Variants in SPATA17 observed in about 807,000 individuals in gnomAD.
SPATA17 encodes spermatogenesis associated 17, also known as spermatogenesis-associated protein 17.
Under a neutral mutation model 62.2 loss-of-function variants are expected in SPATA17, and 53 were observed. The observed-to-expected ratio is 0.85, with a 90% confidence interval of 0.68 to 1.07. The LOEUF (loss-of-function observed/expected upper bound fraction) is 1.07. SPATA17 is among the 50% of genes least tolerant of loss of function. The pLI is 0.00. For synonymous variants in SPATA17, 146 were observed against 146.8 expected (o/e 0.99, Z 0.04); for missense variants, 466 against 425.5 (o/e 1.10, Z -0.84).
chr1:217,782,289 G>A lies in SPATA17; in HGVS notation c.839G>A (p.Arg280Lys), dbSNP rs761859773. The change falls in exon 8 of 11, where the codon AGA becomes AAA. Residue 280 changes from arginine (R) to lysine (K), a missense_variant. By Grantham distance (26) the Arg-to-Lys change is conservative (BLOSUM62 2). Coordinates refer to ENST00000366933, the MANE Select transcript of SPATA17 (RefSeq NM_138796.4). Reference sequence around the variant, plus strand: ...AAGTTGGCCAGAGAGGAGCTCAGAAGAGAGGAATGGCTGCAAAATGTAAAT... The same window carrying A: ...AAGTTGGCCAGAGAGGAGCTCAGAAAAGAGGAATGGCTGCAAAATGTAAAT... ...ELKLAREELR[R>K]EEWLQNVNDN... The A allele has an allele frequency of 5.6e-5, 90 of 1,610,606 alleles. No homozygotes were observed. The highest frequency in any genetic ancestry group is 3.3e-4 in the Middle Eastern group (2 of 6,044).
intron 4 of SPATA17, among the ~76,000 whole-genome samples, chr1:217,670,576 A>G (rs1458766080): frequency 6.6e-6 from 1 of 152,162 alleles, no homozygotes; most frequent in African/African-American, 2.4e-5. Context: ...TCCAATGTCA[A>G]TTTATCTTTG....
At chr1:217,635,581 G>A (rs1446963741) in intron 1 of SPATA17, among the ~76,000 whole-genome samples, 3 of 151,968 alleles carry the variant, frequency 2.0e-5, no homozygotes, top group Non-Finnish European at 4.4e-5. Flanking sequence ...GTGCGCACCT[G>A]TAGTCCCAAC....
At chr1:217,701,237 G>C (rs1234350050) in intron 5 of SPATA17, among the ~76,000 whole-genome samples, 5 of 151,906 alleles carry the variant, frequency 3.3e-5, no homozygotes, top group African/African-American at 9.7e-5. Context: ...GCCTCCCAAA[G>C]TGCTGGGATT....
At chr1:217,793,908 G>A (rs968532706) in intron 8 of SPATA17, among the ~76,000 whole-genome samples, 1 of 151,978 alleles carries the variant, frequency 6.6e-6, no homozygotes, top group East Asian at 2.0e-4. Flanking sequence ...GAGGTCAGGA[G>A]ATCGAGACCA....
At chr1:217,708,224 G>A (rs997908447) in intron 5 of SPATA17, among the ~76,000 whole-genome samples, 6 of 151,636 alleles carry the variant, frequency 4.0e-5, no homozygotes, top group African/African-American at 1.2e-4. Flanking sequence ...AATGAAGGAA[G>A]TTGAAACAAA....
At chr1:217,818,798 A>G (rs993901371) in intron 9 of SPATA17, among the ~76,000 whole-genome samples, 1 of 150,572 alleles carries the variant, frequency 6.6e-6, no homozygotes, top group African/African-American at 2.4e-5. Context: ...TAAAGACTCT[A>G]ATTATATTTA....
chr1:217,816,999 T>C (rs911763172), intron 9 of SPATA17, among the ~76,000 whole-genome samples: 4 of 152,076 alleles, frequency 2.6e-5, no homozygotes, highest in Non-Finnish European at 5.9e-5. Flanking sequence ...TTCCTTTGGG[T>C]TCAGCTCATG....
chr1:217,714,488 C>CTTTTTTTTTTTTTTTTTTTTTTTTTT (rs750665329), intron 5 of SPATA17, among the ~76,000 whole-genome samples: 1 of 121,432 alleles, frequency 8.2e-6, no homozygotes, highest in African/African-American at 3.3e-5. Flanking sequence ...AAACGTGTTT[C>CTTTTTTTTTTTTTTTTTTTTTTTTTT]TTTTTTTTTT....
chr1:217,730,525 TTTTG>T (rs1027745973), intron 5 of SPATA17, among the ~76,000 whole-genome samples: 10 of 152,180 alleles, frequency 6.6e-5, no homozygotes, highest in East Asian at 3.9e-4. Flanking sequence ...CCAGCCAAGT[TTTTG>T]TTTGTTTGTT....
At chr1:217,779,479 T>G (rs1458745492) in intron 7 of SPATA17, among the ~76,000 whole-genome samples, 1 of 151,788 alleles carries the variant, frequency 6.6e-6, no homozygotes, top group Non-Finnish European at 1.5e-5. Context: ...CCTTTTCCTC[T>G]GGCCATGTCA....
chr1:217,683,698 C>T (rs1299237982), intron 5 of SPATA17, among the ~76,000 whole-genome samples: 1 of 152,082 alleles, frequency 6.6e-6, no homozygotes, highest in Non-Finnish European at 1.5e-5. Context: ...CCTCGGCCTC[C>T]CAAAGTGCTT....
intron 8 of SPATA17, among the ~76,000 whole-genome samples, chr1:217,797,428 T>G (rs1279962185): frequency 1.3e-5 from 2 of 152,068 alleles, no homozygotes; most frequent in African/African-American, 2.4e-5. Flanking sequence ...TTTTATATTT[T>G]TAGTAGAGAT....
intron 9 of SPATA17, among the ~76,000 whole-genome samples, chr1:217,826,075 A>G (rs1674996021): frequency 6.6e-6 from 1 of 152,090 alleles, no homozygotes; most frequent in South Asian, 2.1e-4. Flanking sequence ...TATACTACAG[A>G]TGGGTGGCTT....
intron 4 of SPATA17, among the ~76,000 whole-genome samples, chr1:217,679,191 A>G (rs997673891): frequency 6.6e-6 from 1 of 152,150 alleles, no homozygotes; most frequent in Non-Finnish European, 1.5e-5. Context: ...AAACTAAAGA[A>G]CACGCATATA....
At chr1:217,681,173 A>G (rs1393113600) in intron 4 of SPATA17, among the ~76,000 whole-genome samples, 2 of 147,170 alleles carry the variant, frequency 1.4e-5, no homozygotes, top group Non-Finnish European at 1.5e-5. Flanking sequence ...GTTACAGTGA[A>G]CCGAAATCGC....
At chr1:217,805,967 A>G (rs1031305745) in intron 9 of SPATA17, among the ~76,000 whole-genome samples, 3 of 152,196 alleles carry the variant, frequency 2.0e-5, no homozygotes, top group African/African-American at 7.2e-5. Context: ...CCATATAATC[A>G]GATATGGGAG....
At chr1:217,830,618 C>T (rs1331234655) in intron 9 of SPATA17, among the ~76,000 whole-genome samples, 1 of 152,074 alleles carries the variant, frequency 6.6e-6, no homozygotes, top group Non-Finnish European at 1.5e-5. Flanking sequence ...ACAAGTTCTT[C>T]ATGGAATTAT....
intron 3 of SPATA17, among the ~76,000 whole-genome samples, chr1:217,664,323 C>T (rs539240397): frequency 7.8e-5 from 10 of 128,216 alleles, no homozygotes; most frequent in Non-Finnish European, 1.4e-4. Flanking sequence ...GATGGAGTCT[C>T]ACTCTGTTGC....
chr1:217,681,141 C>T (rs950516999), intron 4 of SPATA17, among the ~76,000 whole-genome samples: 2 of 150,930 alleles, frequency 1.3e-5, no homozygotes, highest in South Asian at 2.1e-4. Context: ...GCAGGAGAAT[C>T]GCTTGAACCA....
Sources: allele counts gnomAD v4.1 joint callset (sites outside exome capture counted in the v4.1 genomes callset), GRCh38; gene constraint gnomAD v4.1.1; transcripts MANE v1.5; gene names NCBI Gene and HGNC (gene_info 2026-07-23, HGNC 2026-07-21).